The following STAU2 variants were observed in gnomAD, a reference collection of about 807,000 sequenced individuals.
STAU2 encodes the protein staufen double-stranded RNA binding protein 2.
Under a neutral mutation model 65.9 loss-of-function variants are expected in STAU2, and 20 were observed. That is an observed-to-expected ratio of 0.30 (90% confidence interval 0.21 to 0.44). STAU2 has a LOEUF of 0.44. Among genes scored for constraint, STAU2 ranks in the 20% least tolerant of loss-of-function variants. The pLI is 1.00. For synonymous variants in STAU2, 232 were observed against 233.9 expected (o/e 0.99, Z 0.07); for missense variants, 558 against 683.9 (o/e 0.82, Z 2.05).
chr8:73,426,548 G>C (rs1239730235), intron 13 of STAU2, among the ~76,000 whole-genome samples: 4 of 152,086 alleles, frequency 2.6e-5, no homozygotes, highest in African/African-American at 9.7e-5. Flanking sequence ...CCACACATGA[G>C]CAAGAACAAG....
intron 12 of STAU2, among the ~76,000 whole-genome samples, chr8:73,568,903 T>C (rs1164791236): frequency 2.0e-5 from 3 of 152,110 alleles, no homozygotes; most frequent in African/African-American, 7.2e-5. Flanking sequence ...CAGCTCCCAG[T>C]GTGAGCGATG....
chr8:73,617,421 A>G lies in STAU2; in HGVS notation c.441T>C (p.Tyr147=). Residue 147 remains tyrosine, a synonymous_variant, in exon 7 of 15, where the codon TAT becomes TAC. Transcript: ENST00000524300. ...RYHCPVPKIF[Y]VQLTVGNNEF... ...CATTATTTCCTACAGTGAGCTGAAC[A>G]TAAAAGATCTTAGGCACTGGGCAAT... 6.2e-7 allele frequency: 1 copy of G among 1,614,114 alleles called. No individual in the cohort carries two copies. The highest frequency in any genetic ancestry group is 8.5e-7 in the Non-Finnish European group (1 of 1,180,000).
At chr8:73,470,617 G>A (rs945361546) in intron 13 of STAU2, among the ~76,000 whole-genome samples, 1 of 152,120 alleles carries the variant, frequency 6.6e-6, no homozygotes, top group African/African-American at 2.4e-5. Flanking sequence ...GGGCAACACA[G>A]CGAGATCCTG....
intron 13 of STAU2, among the ~76,000 whole-genome samples, chr8:73,495,685 A>ATATATATATG (rs1199482749): frequency 1.2e-4 from 18 of 147,620 alleles, no homozygotes; most frequent in African/African-American, 4.5e-4. Context: ...ATATATATAT[A>ATATATATATG]TATGTATAGT....
At chr8:73,647,892 T>C (rs1473715282) in intron 6 of STAU2, among the ~76,000 whole-genome samples, 1 of 152,182 alleles carries the variant, frequency 6.6e-6, no homozygotes. Flanking sequence ...GAGTTCTGCA[T>C]CTTGTTTGCT....
At chr8:73,612,847 A>G (rs1326175321) in intron 9 of STAU2, among the ~76,000 whole-genome samples, 3 of 152,186 alleles carry the variant, frequency 2.0e-5, no homozygotes, top group Admixed American at 2.0e-4. Flanking sequence ...AGGCTGAGCC[A>G]GCAACTAAAA....
chr8:73,559,797 C>G (rs1808062817), intron 12 of STAU2, among the ~76,000 whole-genome samples: 1 of 152,184 alleles, frequency 6.6e-6, no homozygotes, highest in African/African-American at 2.4e-5. Context: ...CTTTTACACA[C>G]AGCTCACTGC....
At chr8:73,443,639 G>T (rs7824742) in intron 13 of STAU2, among the ~76,000 whole-genome samples, 55,926 of 151,948 alleles carry the variant, frequency 0.37, 11,780 homozygotes, top group Admixed American at 0.53. Context: ...ACTGCTTGAG[G>T]CCAGGAGTTT....
At chr8:73,573,414 T>C (rs1427568946) in intron 12 of STAU2, among the ~76,000 whole-genome samples, 2 of 152,206 alleles carry the variant, frequency 1.3e-5, no homozygotes, top group African/African-American at 4.8e-5. Flanking sequence ...TTAAAGTTCA[T>C]ATGGAACCAA....
chr8:73,684,032 C>T (rs1195684300), intron 5 of STAU2, among the ~76,000 whole-genome samples: 1 of 152,062 alleles, frequency 6.6e-6, no homozygotes, highest in Non-Finnish European at 1.5e-5. Flanking sequence ...TAGCATACTG[C>T]CAAAAGCTAT....
intron 13 of STAU2, among the ~76,000 whole-genome samples, chr8:73,483,263 A>C (rs1265355244): frequency 6.6e-6 from 1 of 152,136 alleles, no homozygotes; most frequent in Non-Finnish European, 1.5e-5. Context: ...TAAAACCAAA[A>C]AGCATGTCCA....
At chr8:73,655,041 T>C (rs1375404242) in intron 6 of STAU2, among the ~76,000 whole-genome samples, 3 of 152,206 alleles carry the variant, frequency 2.0e-5, no homozygotes, top group Non-Finnish European at 4.4e-5. Context: ...AGGATAAAAA[T>C]GTACACCTCT....
intron 13 of STAU2, among the ~76,000 whole-genome samples, chr8:73,504,650 G>A (rs1389015159): frequency 6.6e-6 from 1 of 151,756 alleles, no homozygotes; most frequent in Non-Finnish European, 1.5e-5. Context: ...CAGTTTCAGA[G>A]TCAGGTTTTA....
intron 3 of STAU2, among the ~76,000 whole-genome samples, chr8:73,714,854 G>T (rs147334836): frequency 0.016 from 2,450 of 152,222 alleles, 41 homozygotes; most frequent in Non-Finnish European, 0.027. Flanking sequence ...GGTCAAGGCG[G>T]GCAGATCACC....
At chr8:73,595,375 A>G (rs1811108235) in intron 10 of STAU2, 78 bp from the exon 11 acceptor site, 2 of 1,309,320 alleles carry the variant, frequency 1.5e-6, no homozygotes, top group African/African-American at 3.0e-5. Flanking sequence ...TCATAAAGCA[A>G]TTCTACTCTC....
At chr8:73,535,177 C>CT (rs879868951) in intron 13 of STAU2, among the ~76,000 whole-genome samples, 30 of 148,648 alleles carry the variant, frequency 2.0e-4, no homozygotes, top group Admixed American at 6.7e-4. Flanking sequence ...TTGATCTTTG[C>CT]TTTTTTTTTT....
At chr8:73,535,036 GA>G (rs1344867871) in intron 13 of STAU2, among the ~76,000 whole-genome samples, 2 of 152,184 alleles carry the variant, frequency 1.3e-5, no homozygotes, top group African/African-American at 4.8e-5. Flanking sequence ...AATGTATAAA[GA>G]TTTTTTTGTG....
intron 5 of STAU2, among the ~76,000 whole-genome samples, chr8:73,680,168 C>T (rs1356828791): frequency 3.4e-5 from 4 of 118,188 alleles, no homozygotes; most frequent in African/African-American, 1.0e-4. Context: ...AATAGGGGGC[C>T]GGCGGGAATA....
chr8:73,452,440 A>G (rs1467223507), intron 13 of STAU2, among the ~76,000 whole-genome samples: 5 of 152,150 alleles, frequency 3.3e-5, no homozygotes, highest in African/African-American at 9.7e-5. Flanking sequence ...CCTGCCATGC[A>G]TCCCACGGAA....
Sources: allele counts gnomAD v4.1 joint callset (sites outside exome capture counted in the v4.1 genomes callset), GRCh38; gene constraint gnomAD v4.1.1; transcripts MANE v1.5; gene names NCBI Gene and HGNC (gene_info 2026-07-23, HGNC 2026-07-21).